The following B3GLCT variants were observed in gnomAD, a reference collection of about 807,000 sequenced individuals.
B3GLCT encodes the protein beta-1,3-glucosyltransferase.
A neutral mutation model predicts 63.4 loss-of-function variants in B3GLCT; 65 were observed. The ratio of observed to expected loss-of-function variants is 1.03; its 90% CI spans 0.84 to 1.26. B3GLCT has a LOEUF of 1.26. Among genes scored for constraint, B3GLCT ranks in the 50% most tolerant of loss-of-function variants. The pLI is 0.00. For synonymous variants in B3GLCT, 233 were observed against 219.2 expected (o/e 1.06, Z -0.55); for missense variants, 577 against 604.8 (o/e 0.95, Z 0.48).
intron 4 of B3GLCT, among the ~76,000 whole-genome samples, chr13:31,237,260 T>C (rs970273712): frequency 2.0e-5 from 3 of 151,762 alleles, no homozygotes; most frequent in African/African-American, 4.8e-5. Context: ...GATCAACTTC[T>C]GAGAATTAAA....
At chr13:31,281,630 C>A (rs1192843662) in intron 10 of B3GLCT, among the ~76,000 whole-genome samples, 12 of 152,148 alleles carry the variant, frequency 7.9e-5, no homozygotes, top group South Asian at 2.1e-4. Flanking sequence ...CTTAGGTACA[C>A]CTCAGTCTTT....
intron 12 of B3GLCT, among the ~76,000 whole-genome samples, chr13:31,314,071 A>C (rs937278237): frequency 1.3e-5 from 2 of 152,222 alleles, no homozygotes; most frequent in Non-Finnish European, 2.9e-5. Flanking sequence ...TTAAGGTTTG[A>C]GAACCTCTGC....
At chr13:31,298,234 G>A (rs1009109814) in intron 12 of B3GLCT, among the ~76,000 whole-genome samples, 3 of 152,118 alleles carry the variant, frequency 2.0e-5, no homozygotes, top group Non-Finnish European at 4.4e-5. Flanking sequence ...TCAGCAAATG[G>A]GTGATGAAAA....
chr13:31,272,287 C>A (rs1277668829), intron 8 of B3GLCT, among the ~76,000 whole-genome samples: 2 of 148,646 alleles, frequency 1.3e-5, no homozygotes, highest in Non-Finnish European at 3.0e-5. Flanking sequence ...GCCATCTTGG[C>A]TTACTGCAAC....
At chr13:31,269,650 T>A (rs114226406) in intron 8 of B3GLCT, among the ~76,000 whole-genome samples, 3,356 of 147,140 alleles carry the variant, frequency 0.023, 139 homozygotes, top group African/African-American at 0.08. Context: ...CCCGCCCCCC[T>A]AATTCATACC....
intron 7 of B3GLCT, among the ~76,000 whole-genome samples, chr13:31,263,837 A>G: frequency 6.6e-6 from 1 of 152,068 alleles, no homozygotes; most frequent in East Asian, 1.9e-4. Context: ...GTCAAGTTTA[A>G]CCATATTTAG....
At chr13:31,327,412 G>A (rs374591234) in intron 14 of B3GLCT, among the ~76,000 whole-genome samples, 1 of 152,220 alleles carries the variant, frequency 6.6e-6, no homozygotes, top group Non-Finnish European at 1.5e-5. Context: ...CATGCCCAGT[G>A]CGGGATGGAG....
intron 2 of B3GLCT, 33 bp downstream of exon 2, chr13:31,215,133 C>G (rs777578826): frequency 6.3e-7 from 1 of 1,578,774 alleles, no homozygotes; most frequent in Non-Finnish European, 8.7e-7. Flanking sequence ...CTTTTCCTCC[C>G]TTCTAAGATT....
At chr13:31,296,762 A>G (rs964921711) in intron 12 of B3GLCT, among the ~76,000 whole-genome samples, 15 of 150,656 alleles carry the variant, frequency 1.0e-4, no homozygotes, top group Non-Finnish European at 2.2e-4. Flanking sequence ...TTTTTTTTTT[A>G]ATTGTGGTAA....
chr13:31,215,771 T>C (rs1289149772), intron 2 of B3GLCT, among the ~76,000 whole-genome samples: 1 of 152,198 alleles, frequency 6.6e-6, no homozygotes, highest in Non-Finnish European at 1.5e-5. Flanking sequence ...GAAAGGATTT[T>C]ACTATGTCAC....
chr13:31,327,151 C>A (rs1212781915), intron 14 of B3GLCT, among the ~76,000 whole-genome samples: 4 of 152,128 alleles, frequency 2.6e-5, no homozygotes, highest in Non-Finnish European at 5.9e-5. Context: ...ATTTTACATA[C>A]CTATGATCAA....
Position 31,286,710 on chromosome 13 carries a change from C to A in B3GLCT, c.965-10C>A. ...TAATACATTGTAAGTTTTTTTCTTG[C>A]CTTTTCTAGGTCATTGTGGAAAGAC... On this transcript the variant is annotated splice_polypyrimidine_tract_variant and intron_variant, in intron 11 of 14. Transcript: ENST00000343307. 1.3e-6 allele frequency: 2 copies of A among 1,573,892 alleles called. No individual in the cohort carries two copies. Among genetic ancestry groups the A allele is most frequent in the Non-Finnish European group, 1.7e-6 (2 of 1,144,608 alleles).
At chr13:31,269,641 C>A (rs1429956428) in intron 8 of B3GLCT, among the ~76,000 whole-genome samples, 1 of 138,152 alleles carries the variant, frequency 7.2e-6, no homozygotes, top group Admixed American at 7.0e-5. Flanking sequence ...GATCATGTCC[C>A]CGCCCCCCTA....
intron 2 of B3GLCT, among the ~76,000 whole-genome samples, chr13:31,222,258 T>A (rs1205651960): frequency 6.6e-6 from 1 of 151,986 alleles, no homozygotes; most frequent in Non-Finnish European, 1.5e-5. Flanking sequence ...TTTGTATTTT[T>A]AGTAGCGGTG....
At chr13:31,267,568 A>G (rs1468584229) in intron 7 of B3GLCT, among the ~76,000 whole-genome samples, 2 of 152,232 alleles carry the variant, frequency 1.3e-5, no homozygotes, top group African/African-American at 4.8e-5. Context: ...CCCCACTTAT[A>G]CTCACAGATC....
chr13:31,225,832 G>T (rs980581371), intron 3 of B3GLCT, among the ~76,000 whole-genome samples: 5 of 152,062 alleles, frequency 3.3e-5, no homozygotes, highest in Non-Finnish European at 4.4e-5. Flanking sequence ...ACCCCACTTG[G>T]CTCATGAGGC....
In B3GLCT at chr13:31,330,027, G is replaced by A. The variant is rs952074285; in HGVS notation, c.*359G>A. On this transcript the variant is annotated 3_prime_UTR_variant, in exon 15 of 15. Coordinates refer to ENST00000343307, the MANE Select transcript of B3GLCT (RefSeq NM_194318.4). Reference sequence around the variant, plus strand: ...TCTCTTCATTGTAATGGAAGTTTCAGTTGGGCATGAGCCTGGAGAGATGTG... The same window carrying A: ...TCTCTTCATTGTAATGGAAGTTTCAATTGGGCATGAGCCTGGAGAGATGTG... The A allele has an allele frequency of 9.9e-6, 3 of 302,788 alleles. No individual in the cohort carries two copies. Among genetic ancestry groups the A allele is most frequent in the Non-Finnish European group, 1.9e-5 (3 of 157,422 alleles). The allele number at this position is 302,788 out of a possible 1,614,324, so 18.8% of individuals were successfully genotyped here.
Position 31,317,662 on chromosome 13 carries a change from C to T in B3GLCT, c.1161C>T (p.Tyr387=), listed in dbSNP as rs777629212. The change falls in exon 13 of 15, where the codon TAC becomes TAT. Residue 387 remains tyrosine (Y), a synonymous_variant. Coordinates refer to ENST00000343307, the MANE Select transcript of B3GLCT (RefSeq NM_194318.4). The part of the protein sequence containing the change: ...RYGYGLGTGG[Y]SYITGGGGMV... ...GCTACGGCCTGGGCACTGGTGGCTA[C>T]AGCTACATCACGGGAGGAGGAGGGT... The T allele has an allele frequency of 3.0e-5, 49 of 1,613,972 alleles. 1 individual carries two copies. Among genetic ancestry groups the T allele is most frequent in the Non-Finnish European group, 1.2e-5 (14 of 1,179,998 alleles).
intron 7 of B3GLCT, among the ~76,000 whole-genome samples, chr13:31,261,956 G>A (rs1346039121): frequency 2.6e-5 from 4 of 152,146 alleles, no homozygotes; most frequent in Non-Finnish European, 5.9e-5. Context: ...AACCCCCTGT[G>A]TTTCCTAGCT....
Sources: allele counts gnomAD v4.1 joint callset (sites outside exome capture counted in the v4.1 genomes callset), GRCh38; gene constraint gnomAD v4.1.1; transcripts MANE v1.5; gene names NCBI Gene and HGNC (gene_info 2026-07-23, HGNC 2026-07-21).